Variants in ACAD8 observed in about 807,000 individuals in gnomAD.
The protein encoded by ACAD8 is isobutyryl-CoA dehydrogenase, mitochondrial.
Under a neutral mutation model 53.1 loss-of-function variants are expected in ACAD8, and 47 were observed. That is an observed-to-expected ratio of 0.89 (90% CI 0.70 to 1.13). The LOEUF (loss-of-function observed/expected upper bound fraction) is 1.13. ACAD8 is among the 50% of genes most tolerant of loss of function. ACAD8 has a pLI of 0.00. For missense variants in ACAD8, 494 were observed against 535.0 expected, an observed-to-expected ratio of 0.92 and a Z score of 0.76; for synonymous variants, 198 against 201.3, an observed-to-expected ratio of 0.98 and a Z score of 0.14.
At position 134,256,888 on chromosome 11, in the gene ACAD8, TAAAA is replaced by T. The variant is rs1313169751; in HGVS notation, c.211-198_211-195del. 4 of 675,932 alleles carry T rather than the reference TAAAA, an allele frequency of 5.9e-6. No individual in the cohort carries two copies. The African/African-American group carries it at 7.3e-5, about 12-fold the overall frequency. The allele number at this position is 675,932 out of a possible 1,614,324, so 41.9% of individuals were successfully genotyped here. A position where few individuals can be genotyped will look rare whatever the true frequency, so the allele number is the denominator to read the frequency against. The stretch of plus-strand genomic sequence containing the variant: ...AAAACTAAGGCAGTTCTATAGATAA[TAAAA>T]AGAAACTTCTTAATGCCAGAACAAG... On this transcript the variant is annotated intron_variant, in intron 2 of 10. Transcript: ENST00000281182.
intron 9 of ACAD8, 72 bp from the exon 10 acceptor site, chr11:134,262,448 G>A (rs906430434): frequency 1.9e-6 from 2 of 1,033,162 alleles, no homozygotes; most frequent in African/African-American, 3.2e-5. Flanking sequence ...TCGTGGGCTG[G>A]GGTAGGAAGG....
At position 134,262,248 on chromosome 11, in the gene ACAD8, G is replaced by T. The variant is rs1465668630; in HGVS notation, c.1093-272G>T. On this transcript the variant is annotated intron_variant, in intron 9 of 10. Transcript: ENST00000281182. ...CATAGCTTTTTATCATCCCAGCCAGGGTGGCTGTGGGCAGCTTCTGCCTGG... is the reference window on the plus strand; with the variant it reads ...CATAGCTTTTTATCATCCCAGCCAGTGTGGCTGTGGGCAGCTTCTGCCTGG... 37 of 652,398 alleles carry T rather than the reference G, an allele frequency of 5.7e-5. No homozygotes were observed. The East Asian group carries it at 1.1e-3, about 20-fold the overall frequency. 40.4% of individuals were successfully genotyped at this position (652,398 alleles called of 1,614,324 possible).
intron 10 of ACAD8, among the ~76,000 whole-genome samples, chr11:134,264,364 C>T (rs1026610421): frequency 3.3e-5 from 5 of 151,540 alleles, no homozygotes; most frequent in African/African-American, 1.2e-4. Flanking sequence ...AAAAATTAGC[C>T]GGGCCTGGTG....
In ACAD8 at chr11:134,265,059, C is replaced by G. The variant is rs1213479844; in HGVS notation, c.*99C>G. The G allele has an allele frequency of 8.1e-6, 11 of 1,364,560 alleles. No individual in the cohort carries two copies. The Admixed American group carries it at 1.5e-4, about 19-fold the overall frequency. The allele number at this position is 1,364,560 out of a possible 1,614,324, so 84.5% of individuals were successfully genotyped here. ...ATTCCAAAGGAATCATGGATTAGACCCAAGGGCTGAGCTCCTCTAGGGCAG... is the reference window on the plus strand; with the variant it reads ...ATTCCAAAGGAATCATGGATTAGACGCAAGGGCTGAGCTCCTCTAGGGCAG... On this transcript the variant is annotated 3_prime_UTR_variant, in exon 11 of 11. Coordinates refer to ENST00000281182, the MANE Select transcript of ACAD8 (RefSeq NM_014384.3).
At position 134,257,079 on chromosome 11, in the gene ACAD8, T is replaced by G. The variant is rs769327679; in HGVS notation, c.211-9T>G. On this transcript the variant is annotated splice_polypyrimidine_tract_variant and intron_variant, in intron 2 of 10. Transcript: ENST00000281182. The stretch of plus-strand genomic sequence containing the variant: ...AGCTGCTGATCACCCTGCTCTCTTT[T>G]GTACATAGGAGCTGTTCCCAGTGGA... 6.2e-7 allele frequency: 1 copy of G among 1,614,144 alleles called. No individual in the cohort carries two copies. Among genetic ancestry groups the G allele is most frequent in the Non-Finnish European group, 8.5e-7 (1 of 1,180,006 alleles).
intron 10 of ACAD8, 84 bp from the exon 11 acceptor site, chr11:134,264,824 A>C: frequency 8.4e-7 from 1 of 1,197,244 alleles, no homozygotes; most frequent in Non-Finnish European, 1.3e-6. Flanking sequence ...ACTCTGAACT[A>C]GGCCTGGAGC....
At chr11:134,262,766 G>T (rs562902) in intron 10 of ACAD8, 144 bp downstream of exon 10, 3 of 1,501,270 alleles carry the variant, frequency 2.0e-6, no homozygotes, top group African/African-American at 1.4e-5. Flanking sequence ...CTCCCGTTCC[G>T]CAGAGCTGTT....
Position 134,261,177 on chromosome 11 carries a change from T to C in ACAD8, c.839T>C (p.Ile280Thr), listed in dbSNP as rs781637075. The change falls in exon 7 of 11, where the codon ATT becomes ACT. Residue 280 changes from isoleucine to threonine, a missense_variant and splice_region_variant. Physicochemically the swap from Ile to Thr is moderately conservative, Grantham distance 89 (BLOSUM62 -1). Coordinates refer to ENST00000281182, the MANE Select transcript of ACAD8 (RefSeq NM_014384.3). This position sits in a 1 kb window ranked among gnomAD's most constrained non-coding sequence, Gnocchi z 4.2. The stretch of plus-strand genomic sequence containing the variant: ...GGACTGAACGGAGGGAGGATCAATA[T>C]TGGTGAGATACGCAGGGGTGTGGCA... The part of the protein sequence containing the change: ...VRGLNGGRIN[I>T]ASCSLGAAHA... 1.1e-5 allele frequency: 18 copies of C among 1,613,554 alleles called. No individual in the cohort carries two copies. The highest frequency in any genetic ancestry group is 1.4e-5 in the Non-Finnish European group (17 of 1,179,826).
chr11:134,253,620 G>T lies in ACAD8; in HGVS notation c.20G>T (p.Arg7Leu). 6.3e-7 allele frequency: 1 copy of T among 1,579,500 alleles called. No homozygotes were observed. Among genetic ancestry groups the T allele is most frequent in the Non-Finnish European group, 8.6e-7 (1 of 1,166,560 alleles). Reference protein sequence around the residue: MLWSGCRRFGARLGCLP... With the variant: MLWSGCLRFGARLGCLP... ...GCGGCTATGCTGTGGAGCGGCTGCC[G>T]GCGTTTCGGGGCGCGCCTCGGCTGC... The change falls in exon 1 of 11, where the codon CGG becomes CTG. Residue 7 changes from arginine (R) to leucine (L), a missense_variant. By Grantham distance (102) the Arg-to-Leu change is moderately radical. Coordinates refer to ENST00000281182, the MANE Select transcript of ACAD8 (RefSeq NM_014384.3).
intron 5 of ACAD8, 102 bp downstream of exon 5, chr11:134,259,186 T>C: frequency 2.0e-6 from 2 of 1,014,818 alleles, no homozygotes; most frequent in Non-Finnish European, 3.1e-6. Flanking sequence ...TCCCATAGGA[T>C]TTTTATGTGT....
At position 134,265,448 on chromosome 11, in the gene ACAD8, G is replaced by C. The variant is rs539781976; in HGVS notation, c.*488G>C. 1 of 163,716 alleles carries C rather than the reference G, an allele frequency of 6.1e-6. No individual in the cohort carries two copies. The highest frequency in any genetic ancestry group is 1.3e-5 in the Non-Finnish European group (1 of 74,814). 10.1% of individuals were successfully genotyped at this position (163,716 alleles called of 1,614,324 possible). A position where few individuals can be genotyped will look rare whatever the true frequency, so the allele number is the denominator to read the frequency against. ...GCTACAGATGCAGAAGGTTTCTCTG[G>C]ATAGCACACCTCTGAATGTAAATCA... On this transcript the variant is annotated 3_prime_UTR_variant, in exon 11 of 11. Coordinates refer to ENST00000281182, the MANE Select transcript of ACAD8 (RefSeq NM_014384.3).
intron 10 of ACAD8, chr11:134,263,321 C>T: frequency 1.0e-6 from 1 of 994,896 alleles, no homozygotes; most frequent in African/African-American, 1.7e-5. Context: ...TGGGGCTTCC[C>T]TGCCCCTTTC....
At position 134,257,103 on chromosome 11, in the gene ACAD8, G is replaced by C; in HGVS notation, c.226G>C (p.Asp76His). The change falls in exon 3 of 11, where the codon GAT (aspartate) becomes CAT (histidine). Residue 76 changes from aspartate to histidine, a missense_variant. By Grantham distance (81) the Asp-to-His change is moderately conservative. Transcript: ENST00000281182. ...EWDQKELFPV[D>H]VMRKAAQLGF... The stretch of plus-strand genomic sequence containing the variant: ...TTGTACATAGGAGCTGTTCCCAGTG[G>C]ATGTGATGCGGAAGGCAGCCCAGCT... 1 of 1,614,152 alleles carries C rather than the reference G, an allele frequency of 6.2e-7. No individual in the cohort carries two copies. Among genetic ancestry groups the C allele is most frequent in the Non-Finnish European group, 8.5e-7 (1 of 1,180,026 alleles).
chr11:134,261,146 G>A lies in ACAD8; in HGVS notation c.808G>A (p.Val270Met), dbSNP rs1033152085. The A allele has an allele frequency of 3.7e-5, 59 of 1,612,426 alleles. No individual in the cohort carries two copies. The Middle Eastern group carries it at 6.6e-4, about 18-fold the overall frequency. The change falls in exon 7 of 11, where the codon GTG (valine) becomes ATG (methionine). Residue 270 changes from valine (V) to methionine (M), a missense_variant. Transcript: ENST00000281182. This position sits in a 1 kb window ranked among gnomAD's most constrained non-coding sequence, Gnocchi z 4.2. ...CGAGGGGCAGGGCTTCCTCATTGCC[G>A]TGAGAGGACTGAACGGAGGGAGGAT... ...GSEGQGFLIAVRGLNGGRINI... is the reference protein window; with the variant it reads ...GSEGQGFLIAMRGLNGGRINI...
chr11:134,255,335 C>T (rs2136073283), intron 1 of ACAD8, among the ~76,000 whole-genome samples: 1 of 152,260 alleles, frequency 6.6e-6, no homozygotes, highest in South Asian at 2.1e-4. Context: ...GGGGTTTCAC[C>T]ATGTTGGACA....
At chr11:134,260,648 G>T (rs1939822713) in intron 6 of ACAD8, 1 of 328,606 alleles carries the variant, frequency 3.0e-6, no homozygotes, top group Admixed American at 4.6e-5. Flanking sequence ...ATCAACAAAA[G>T]AGAGCAAGGA....
At position 134,265,021 on chromosome 11, in the gene ACAD8, T is replaced by C. The variant is rs1555068124; in HGVS notation, c.*61T>C. 31 of 1,543,668 alleles carry C rather than the reference T, an allele frequency of 2.0e-5. No individual in the cohort carries two copies. The East Asian group carries it at 2.9e-4, about 15-fold the overall frequency. ...CTGCAGTCAGTGTTGAGTGGTGCCA[T>C]GTGGGCCGCTCTATTCCAAAGGAAT... On this transcript the variant is annotated 3_prime_UTR_variant, in exon 11 of 11. Coordinates refer to ENST00000281182, the MANE Select transcript of ACAD8 (RefSeq NM_014384.3).
At chr11:134,254,175 G>A (rs560245284) in intron 1 of ACAD8, among the ~76,000 whole-genome samples, 20 of 152,144 alleles carry the variant, frequency 1.3e-4, no homozygotes, top group Non-Finnish European at 2.6e-4. Context: ...ATAACAGTAG[G>A]TCATAAAAGC....
rs1939789334 is a variant in ACAD8 at position 134,259,992 on chromosome 11, CT to C, written c.705+248del. On this transcript the variant is annotated intron_variant, in intron 6 of 10. Coordinates refer to ENST00000281182, the MANE Select transcript of ACAD8 (RefSeq NM_014384.3). Reference sequence around the variant, plus strand: ...AAGCCACCTGTGAGTGTTCTGACCTCTCCTGCCTCTGCTTTTGGCCTGTGTT... The same window carrying C: ...AAGCCACCTGTGAGTGTTCTGACCTCCCTGCCTCTGCTTTTGGCCTGTGTT... 8 of 1,334,786 alleles carry C rather than the reference CT, an allele frequency of 6.0e-6. No individual in the cohort carries two copies. In the African/African-American group the frequency reaches 8.9e-5, roughly 15 times the overall value. The allele number at this position is 1,334,786 out of a possible 1,614,324, so 82.7% of individuals were successfully genotyped here.
Sources: allele counts gnomAD v4.1 joint callset (sites outside exome capture counted in the v4.1 genomes callset), GRCh38; gene constraint gnomAD v4.1.1; non-coding constraint Gnocchi (gnomAD v3.1); transcripts MANE v1.5; gene names NCBI Gene and HGNC (gene_info 2026-07-23, HGNC 2026-07-21).